RFX3: variants seen among roughly 807,000 people sequenced by gnomAD.
RFX3 encodes the protein regulatory factor X3.
In RFX3, 14 loss-of-function variants were observed where a neutral mutation model predicts 98.6. That is an observed-to-expected ratio of 0.14 (90% CI 0.09 to 0.22). RFX3 has a LOEUF of 0.22. RFX3 is among the 10% of genes least tolerant of loss of function. The pLI, the probability that RFX3 is intolerant of heterozygous loss-of-function variation, is 1.00. For missense variants in RFX3, 639 were observed against 926.9 expected, an observed-to-expected ratio of 0.69 and a Z score of 4.03; for synonymous variants, 383 against 328.4, an observed-to-expected ratio of 1.17 and a Z score of -1.80.
chr9:3,385,537 G>A (rs1587444130), intron 2 of RFX3, among the ~76,000 whole-genome samples: 2 of 151,668 alleles, frequency 1.3e-5, no homozygotes, highest in Non-Finnish European at 2.9e-5. Flanking sequence ...GTGAAACCCC[G>A]TCTCTACTAA....
intron 1 of RFX3, among the ~76,000 whole-genome samples, chr9:3,455,363 C>G (rs1257919465): frequency 3.3e-5 from 5 of 151,618 alleles, no homozygotes; most frequent in Non-Finnish European, 7.4e-5. Flanking sequence ...TTCAGGCAAG[C>G]CTTCCCTTCC....
At chr9:3,344,278 T>C (rs973766377) in intron 3 of RFX3, among the ~76,000 whole-genome samples, 1 of 152,208 alleles carries the variant, frequency 6.6e-6, no homozygotes, top group Non-Finnish European at 1.5e-5. Context: ...GAGTATCCTA[T>C]ATCCAAAATG....
chr9:3,452,840 CTGTG>C (rs1846786057), intron 1 of RFX3, among the ~76,000 whole-genome samples: 1 of 152,154 alleles, frequency 6.6e-6, no homozygotes. Flanking sequence ...TATCTGCTAT[CTGTG>C]TATTATCTCT....
At chr9:3,405,581 G>A (rs1404699797) in intron 1 of RFX3, among the ~76,000 whole-genome samples, 1 of 152,050 alleles carries the variant, frequency 6.6e-6, no homozygotes, top group African/African-American at 2.4e-5. Flanking sequence ...TTCTACTGAC[G>A]GCATAAGATA....
At chr9:3,394,563 C>T (rs1840660736) in intron 2 of RFX3, among the ~76,000 whole-genome samples, 1 of 152,196 alleles carries the variant, frequency 6.6e-6, no homozygotes, top group African/African-American at 2.4e-5. Context: ...CCCTGCCCAA[C>T]CCAATTCTAT....
At chr9:3,393,188 TGG>T (rs2131889952) in intron 2 of RFX3, among the ~76,000 whole-genome samples, 1 of 152,126 alleles carries the variant, frequency 6.6e-6, no homozygotes. Flanking sequence ...TTTAAATAAA[TGG>T]AGGTAAATAT....
chr9:3,401,532 A>G (rs185328625), intron 1 of RFX3, among the ~76,000 whole-genome samples: 1 of 152,302 alleles, frequency 6.6e-6, no homozygotes, highest in African/African-American at 2.4e-5. Context: ...CTTTCAAGTG[A>G]TATTTGTTTA....
At chr9:3,268,842 A>T (rs775974158) in intron 11 of RFX3, among the ~76,000 whole-genome samples, 3 of 151,950 alleles carry the variant, frequency 2.0e-5, no homozygotes, top group Non-Finnish European at 4.4e-5. Context: ...ATGAATACTG[A>T]TGTTGTTGAT....
rs748680641 is a variant in RFX3 at position 3,220,421 on chromosome 9, G to C, written c.*4621C>G. 4 of 151,860 alleles carry C rather than the reference G, an allele frequency of 2.6e-5. No homozygotes were observed. Among genetic ancestry groups the C allele is most frequent in the Non-Finnish European group, 4.4e-5 (3 of 67,976 alleles). 9.4% of individuals were successfully genotyped at this position (151,860 alleles called of 1,614,324 possible). ...AGGTACCTTCAATGTGCAGAAATCA[G>C]TTATGACATAGGTCTATCCAGGCCC... On this transcript the variant is annotated 3_prime_UTR_variant, in exon 17 of 17. Transcript: ENST00000617270.
rs895500736 is a variant in RFX3 at position 3,231,289 on chromosome 9, G to T, written c.1969-2400C>A. On this transcript the variant is annotated intron_variant, in intron 15 of 16. Coordinates refer to ENST00000617270, the MANE Select transcript of RFX3 (RefSeq NM_001282116.2). ...ATTTTACTATCCTATAGAGCTGAAG[G>T]TAAAGGCTTTTATATGCATTTTACA... Among the ~76,000 whole-genome samples, 114 of 152,122 alleles carry T rather than the reference G, an allele frequency of 7.5e-4. 2 individuals are homozygous for T. The highest frequency in any genetic ancestry group is 2.4e-4 in the Non-Finnish European group (16 of 68,022).
chr9:3,227,332 G>A (rs190369530), intron 16 of RFX3, among the ~76,000 whole-genome samples: 2 of 152,256 alleles, frequency 1.3e-5, no homozygotes, highest in East Asian at 3.9e-4. Flanking sequence ...TTTTGCTTAG[G>A]TCTATCTCTG....
At chr9:3,240,173 A>G (rs1294117242) in intron 15 of RFX3, among the ~76,000 whole-genome samples, 1 of 152,180 alleles carries the variant, frequency 6.6e-6, no homozygotes, top group Non-Finnish European at 1.5e-5. Flanking sequence ...ATCCAAACTC[A>G]GCCTTCCAAG....
chr9:3,505,276 A>ATT lies in RFX3; in HGVS notation c.-9+20470_-9+20471insAA, dbSNP rs1304895670. 4.2e-3 allele frequency among the ~76,000 whole-genome samples: 367 copies of ATT among 87,982 alleles called. 57 individuals are homozygous for ATT. Among genetic ancestry groups the ATT allele is most frequent in the East Asian group, 0.028 (51 of 1,816 alleles). The allele number at this position is 87,982 out of a possible 152,430, so 57.7% of individuals were successfully genotyped here. A position where few individuals can be genotyped will look rare whatever the true frequency, so the allele number is the denominator to read the frequency against. On this transcript the variant is annotated intron_variant, in intron 1 of 16. Transcript: ENST00000617270. ...TGAATATATATTTATATATATATGA[A>ATT]TATATACATTTTTATATTTATATAT...
At chr9:3,261,784 G>C (rs78749588) in intron 13 of RFX3, among the ~76,000 whole-genome samples, 2,593 of 152,114 alleles carry the variant, frequency 0.017, 74 homozygotes, top group African/African-American at 0.059. Context: ...AGGTTCCAAT[G>C]TTTTCACATC....
At chr9:3,504,843 T>C (rs1339203328) in intron 1 of RFX3, among the ~76,000 whole-genome samples, 1 of 29,490 alleles carries the variant, frequency 3.4e-5, no homozygotes, top group Non-Finnish European at 6.7e-5. Flanking sequence ...GTATAAAATA[T>C]ATATATTATA....
intron 4 of RFX3, among the ~76,000 whole-genome samples, chr9:3,327,593 A>G (rs2130841995): frequency 6.6e-6 from 1 of 152,172 alleles, no homozygotes; most frequent in South Asian, 2.1e-4. Flanking sequence ...GTTAAAAAGG[A>G]AAATTTTCTT....
chr9:3,323,669 C>A (rs754694395), intron 4 of RFX3, among the ~76,000 whole-genome samples: 1 of 152,132 alleles, frequency 6.6e-6, no homozygotes, highest in Non-Finnish European at 1.5e-5. Flanking sequence ...GTTACCCATA[C>A]ACCTGTGTTC....
chr9:3,265,000 C>T (rs1288578160), intron 12 of RFX3, among the ~76,000 whole-genome samples: 1 of 152,194 alleles, frequency 6.6e-6, no homozygotes, highest in Non-Finnish European at 1.5e-5. Context: ...TAATCAAAGG[C>T]CACCTTCTTT....
In RFX3 at chr9:3,222,138, C is replaced by T. The variant is rs911219589; in HGVS notation, c.*2904G>A. On this transcript the variant is annotated 3_prime_UTR_variant, in exon 17 of 17. Coordinates refer to ENST00000617270, the MANE Select transcript of RFX3 (RefSeq NM_001282116.2). ...TTATATATTTTTCACAATTCAAATT[C>T]GAAATTGATGAAAATGTTTGTGTGT... The T allele has an allele frequency of 1.3e-5, 2 of 152,032 alleles. No homozygotes were observed. Among genetic ancestry groups the T allele is most frequent in the African/African-American group, 2.4e-5 (1 of 41,432 alleles). The allele number at this position is 152,032 out of a possible 1,614,324, so 9.4% of individuals were successfully genotyped here.
Sources: gnomAD v4.1 joint callset for allele counts (sites outside exome capture counted in the v4.1 genomes callset) on GRCh38, gnomAD v4.1.1 for gene constraint, MANE v1.5 for transcripts, NCBI Gene and HGNC (gene_info 2026-07-23, HGNC 2026-07-21) for gene names.